TACC1: variants seen among roughly 807,000 people sequenced by gnomAD.
TACC1 encodes transforming acidic coiled-coil-containing protein 1.
TACC1 carries 48 observed loss-of-function variants against 84.4 expected under a neutral mutation model. That is an observed-to-expected ratio of 0.57 (90% CI 0.45 to 0.72). The LOEUF (loss-of-function observed/expected upper bound fraction) is 0.72. Among genes scored for constraint, TACC1 ranks in the 30% least tolerant of loss-of-function variants. TACC1 has a pLI of 0.00. For synonymous variants in TACC1, 372 were observed against 376.3 expected (o/e 0.99, Z 0.13); for missense variants, 920 against 973.0 (o/e 0.95, Z 0.72).
intron 2 of TACC1, among the ~76,000 whole-genome samples, chr8:38,793,032 AAC>A (rs1483190698): frequency 6.6e-6 from 1 of 152,072 alleles, no homozygotes; most frequent in Non-Finnish European, 1.5e-5. Context: ...CCCTTCCCCA[AAC>A]ACACACACCT....
At chr8:38,826,459 A>G (rs556677307) in intron 4 of TACC1, among the ~76,000 whole-genome samples, 16 of 152,358 alleles carry the variant, frequency 1.1e-4, no homozygotes, top group African/African-American at 3.8e-4. Flanking sequence ...AAAACTTGCA[A>G]TATTTTGAAA....
intron 1 of TACC1, among the ~76,000 whole-genome samples, chr8:38,733,113 C>G (rs1009745172): frequency 6.6e-6 from 1 of 152,160 alleles, no homozygotes; most frequent in Non-Finnish European, 1.5e-5. Context: ...GCCTTCTTCA[C>G]CTTTCTCTCT....
Position 38,840,234 on chromosome 8 carries a change from G to C in TACC1, c.1927G>C (p.Ala643Pro). 6.2e-7 allele frequency: 1 copy of C among 1,609,798 alleles called. No individual in the cohort carries two copies. The highest frequency in any genetic ancestry group is 8.5e-7 in the Non-Finnish European group (1 of 1,178,472). ...QEVLEMRKIV[A>P]EYEKTIAQMI... is the part of the protein sequence containing the mutation. The stretch of plus-strand genomic sequence containing the variant: ...TTTTTTCTCATTTAGGAAAATTGTA[G>C]CTGAATATGAAAAGACTATTGCTCA... The change falls in exon 9 of 13, where the codon GCT (alanine) becomes CCT (proline). Residue 643 changes from alanine to proline, a missense_variant. Ala to Pro is a conservative substitution (Grantham distance 27, BLOSUM62 -1). Around this residue, in one of 2 missense-constraint regions of TACC1, gnomAD observed 158 missense variants for 225.6 expected, o/e 0.70. Coordinates refer to ENST00000317827, the MANE Select transcript of TACC1 (RefSeq NM_006283.3).
chr8:38,829,966 A>G (rs769621133), intron 5 of TACC1, among the ~76,000 whole-genome samples: 13 of 152,082 alleles, frequency 8.5e-5, no homozygotes, highest in Non-Finnish European at 1.9e-4. Flanking sequence ...AGGAAATGAG[A>G]TTTTCACACA....
intron 4 of TACC1, among the ~76,000 whole-genome samples, chr8:38,826,221 A>G (rs967861884): frequency 6.6e-6 from 1 of 152,172 alleles, no homozygotes. Context: ...GAAATTTACA[A>G]TCTGAGTTAT....
At chr8:38,769,809 T>A (rs1563359006) in intron 3 of TACC1, among the ~76,000 whole-genome samples, 1 of 148,142 alleles carries the variant, frequency 6.8e-6, no homozygotes. Context: ...TATGACTGTG[T>A]GTGGTGTGTG....
In TACC1 at chr8:38,787,474, G is replaced by A; in HGVS notation, c.-109G>A. 1 of 1,397,256 alleles carries A rather than the reference G, an allele frequency of 7.2e-7. No homozygotes were observed. The highest frequency in any genetic ancestry group is 1.6e-5 in the South Asian group (1 of 63,706). The allele number at this position is 1,397,256 out of a possible 1,614,324, so 86.6% of individuals were successfully genotyped here. ...GTTTAACCACATCCGCGCCTCTGCTGGAAACGCTTGCTGGCGCCTGTCACC... is the reference window on the plus strand; with the variant it reads ...GTTTAACCACATCCGCGCCTCTGCTAGAAACGCTTGCTGGCGCCTGTCACC... On this transcript the variant is annotated 5_prime_UTR_variant, in exon 1 of 13. Coordinates refer to ENST00000317827, the MANE Select transcript of TACC1 (RefSeq NM_006283.3).
chr8:38,766,687 G>A (rs61047067), intron 3 of TACC1, among the ~76,000 whole-genome samples: 1,735 of 152,274 alleles, frequency 0.011, 35 homozygotes, highest in African/African-American at 0.04. Flanking sequence ...TGAAATCTGT[G>A]CATTATCCCA....
intron 3 of TACC1, among the ~76,000 whole-genome samples, chr8:38,780,589 C>T (rs1232238777): frequency 6.6e-6 from 1 of 151,388 alleles, no homozygotes; most frequent in Non-Finnish European, 1.5e-5. Context: ...TCTTGTAGGA[C>T]TAGTCTATTC....
At chr8:38,772,594 C>T (rs117653775) in intron 3 of TACC1, among the ~76,000 whole-genome samples, 212 of 152,164 alleles carry the variant, frequency 1.4e-3, no homozygotes, top group Non-Finnish European at 2.3e-3. Flanking sequence ...GGGGTCAGGA[C>T]GGGTCTTGGC....
rs150726562 is a variant in TACC1, at chr8:38,830,335, C to T, written c.1661-790C>T. On this transcript the variant is annotated intron_variant, in intron 5 of 12. Coordinates refer to ENST00000317827, the MANE Select transcript of TACC1 (RefSeq NM_006283.3). The stretch of plus-strand genomic sequence containing the variant: ...TGTTGCCCAGGCTGGAGTGTGGTGG[C>T]GCTATCTCAACTCACTGCAACCTCC... Among the ~76,000 whole-genome samples, 58 of 152,162 alleles carry T rather than the reference C, an allele frequency of 3.8e-4. No individual in the cohort carries two copies. The East Asian group carries it at 0.011, about 28-fold the overall frequency.
intron 3 of TACC1, among the ~76,000 whole-genome samples, chr8:38,767,940 C>T (rs764818956): frequency 4.6e-5 from 7 of 151,976 alleles, no homozygotes; most frequent in Non-Finnish European, 1.0e-4. Flanking sequence ...GTGTTGTCGG[C>T]GCCTGTGGTC....
At chr8:38,792,145 G>A (rs1297192581) in intron 2 of TACC1, among the ~76,000 whole-genome samples, 1 of 152,200 alleles carries the variant, frequency 6.6e-6, no homozygotes, top group Non-Finnish European at 1.5e-5. Context: ...TGTAAAGCTT[G>A]GGCTGGTCTG....
intron 3 of TACC1, among the ~76,000 whole-genome samples, chr8:38,751,007 G>A (rs1451471655): frequency 6.6e-6 from 1 of 152,098 alleles, no homozygotes; most frequent in Non-Finnish European, 1.5e-5. Flanking sequence ...AACAATATTG[G>A]AACACTTCAG....
upstream of TACC1, chr8:38,785,744 T>A (rs1817010700): frequency 2.0e-6 from 2 of 984,714 alleles, no homozygotes; most frequent in South Asian, 9.4e-5. Context: ...TGGGTAAGCA[T>A]AAACCTAAAA....
In TACC1 at chr8:38,838,524, C is replaced by A. The variant is rs757064536; in HGVS notation, c.1894C>A (p.Arg632=). The A allele has an allele frequency of 2.5e-6, 4 of 1,613,750 alleles. No homozygotes were observed. The highest frequency in any genetic ancestry group is 1.1e-5 in the South Asian group (1 of 91,064). ...ATGGAAGAAGAAATACGAAGAGACC[C>A]GGCAAGAAGTTTTGGAGATGAGGTT... is the stretch of plus-strand genomic sequence containing the variant. The part of the protein sequence containing the change: ...NEWKKKYEET[R]QEVLEMRKIV... The change falls in exon 8 of 13, where the codon CGG becomes AGG. Residue 632 remains arginine (R), a synonymous_variant. Coordinates refer to ENST00000317827, the MANE Select transcript of TACC1 (RefSeq NM_006283.3).
intron 11 of TACC1, among the ~76,000 whole-genome samples, chr8:38,845,980 T>G (rs1027661356): frequency 3.3e-5 from 5 of 152,152 alleles, no homozygotes; most frequent in Non-Finnish European, 5.9e-5. Context: ...GTTCATCAAC[T>G]GACATTTATG....
At chr8:38,769,091 G>A (rs1156581141) in intron 3 of TACC1, among the ~76,000 whole-genome samples, 3 of 147,724 alleles carry the variant, frequency 2.0e-5, no homozygotes, top group Non-Finnish European at 4.5e-5. Flanking sequence ...ACTGTGTGGT[G>A]TGTGTGTGTG....
Position 38,850,762 on chromosome 8 carries a change from C to G in TACC1, c.*2739C>G, listed in dbSNP as rs1234375484. 3.0e-5 allele frequency: 3 copies of G among 98,752 alleles called. No individual in the cohort carries two copies. The highest frequency in any genetic ancestry group is 1.2e-4 in the African/African-American group (3 of 25,720). The allele number at this position is 98,752 out of a possible 1,614,324, so 6.1% of individuals were successfully genotyped here. On this transcript the variant is annotated 3_prime_UTR_variant, in exon 13 of 13. Coordinates refer to ENST00000317827, the MANE Select transcript of TACC1 (RefSeq NM_006283.3). ...CACTGCACTCCATCCTGGGTGACAG[C>G]AAGATCTTGTCTCAAAAAAAAAAAA... is the stretch of plus-strand genomic sequence containing the variant.
Sources: gnomAD v4.1 joint callset for allele counts (sites outside exome capture counted in the v4.1 genomes callset) on GRCh38, gnomAD v4.1.1 for gene constraint, gnomAD v4.1.1 regional missense constraint, MANE v1.5 for transcripts, NCBI Gene and HGNC (gene_info 2026-07-23, HGNC 2026-07-21) for gene names.